Variants in NRCAM observed in about 807,000 individuals in gnomAD.
NRCAM encodes NgCAM-related cell adhesion molecule.
A neutral mutation model predicts 156.5 loss-of-function variants in NRCAM; 83 were observed. The observed-to-expected ratio is 0.53, with a 90% CI of 0.44 to 0.64. NRCAM has a LOEUF of 0.64. NRCAM is among the 30% of genes least tolerant of loss of function. NRCAM has a pLI of 0.00. For synonymous variants in NRCAM, 538 were observed against 563.9 expected (o/e 0.95, Z 0.65); for missense variants, 1,417 against 1,597.3 (o/e 0.89, Z 1.92).
At chr7:108,409,544 C>T (rs995757020) in intron 1 of NRCAM, among the ~76,000 whole-genome samples, 2 of 152,172 alleles carry the variant, frequency 1.3e-5, no homozygotes, top group Non-Finnish European at 2.9e-5. Context: ...CCATCTCGCG[C>T]ATCACCCCAG....
chr7:108,340,754 T>C (rs1250890719), intron 2 of NRCAM, among the ~76,000 whole-genome samples: 1 of 152,180 alleles, frequency 6.6e-6, no homozygotes, highest in Non-Finnish European at 1.5e-5. Flanking sequence ...ACCGCCTTTC[T>C]GGAGAGACTA....
At chr7:108,234,368 A>G (rs1218668639) in intron 6 of NRCAM, among the ~76,000 whole-genome samples, 1 of 152,122 alleles carries the variant, frequency 6.6e-6, no homozygotes, top group Non-Finnish European at 1.5e-5. Context: ...GCAGGACCCA[A>G]GAAGTTACCT....
chr7:108,249,239 A>T (rs17155335), intron 3 of NRCAM, among the ~76,000 whole-genome samples: 55,416 of 152,024 alleles, frequency 0.36, 11,301 homozygotes, highest in African/African-American at 0.55. Flanking sequence ...AACGGAACCA[A>T]GAAAATGAGA....
intron 2 of NRCAM, among the ~76,000 whole-genome samples, chr7:108,344,707 C>T (rs1397515225): frequency 6.6e-6 from 1 of 152,110 alleles, no homozygotes; most frequent in African/African-American, 2.4e-5. Context: ...ATGACTATTA[C>T]ATGAAATGTA....
In NRCAM at chr7:108,177,484, A is replaced by G. The variant is rs561163996; in HGVS notation, c.2974+506T>C. ...TAAAAATACAAAAAATTTGCCGGGC[A>G]TGGTGGTGGGCGTCTGTAGTCCCAG... On this transcript the variant is annotated intron_variant, in intron 26 of 32. Coordinates refer to ENST00000379028, the MANE Select transcript of NRCAM (RefSeq NM_001037132.4). Among the ~76,000 whole-genome samples, 216 of 152,088 alleles carry G rather than the reference A, an allele frequency of 1.4e-3. 1 individual carries two copies. The highest frequency in any genetic ancestry group is 3.9e-3 in the East Asian group (20 of 5,168).
chr7:108,160,926 G>A (rs1052219403), intron 30 of NRCAM, among the ~76,000 whole-genome samples: 3 of 152,150 alleles, frequency 2.0e-5, no homozygotes, highest in African/African-American at 7.2e-5. Flanking sequence ...CAAAGGAACT[G>A]CTTTTAGAGG....
At chr7:108,268,522 T>A (rs1245040490) in intron 3 of NRCAM, among the ~76,000 whole-genome samples, 1 of 151,080 alleles carries the variant, frequency 6.6e-6, no homozygotes, top group Non-Finnish European at 1.5e-5. Context: ...AAGTATTCCA[T>A]GCTTCTGAAA....
intron 17 of NRCAM, 88 bp downstream of exon 17, chr7:108,193,936 C>A (rs890043930): frequency 7.5e-7 from 1 of 1,325,390 alleles, no homozygotes; most frequent in Admixed American, 2.2e-5. Context: ...CTAAAAACAT[C>A]ACCATAATTG....
Position 108,429,428 on chromosome 7 carries a change from G to C in NRCAM, c.-332+26815C>G, listed in dbSNP as rs572151367. ...GCTGGTTTCAAACTCCTGACCTCAG[G>C]TAATCCACCCATCTTTGCCTCCCAA... is the stretch of plus-strand genomic sequence containing the variant. On this transcript the variant is annotated intron_variant, in intron 1 of 32. Coordinates refer to ENST00000379028, the MANE Select transcript of NRCAM (RefSeq NM_001037132.4). Among the ~76,000 whole-genome samples, 15 of 152,278 alleles carry C rather than the reference G, an allele frequency of 9.9e-5. No homozygotes were observed. In the East Asian group the frequency reaches 2.7e-3, roughly 27 times the overall value.
rs186804599 is a variant in NRCAM, at chr7:108,429,539, G to A, written c.-332+26704C>T. On this transcript the variant is annotated intron_variant, in intron 1 of 32. Coordinates refer to ENST00000379028, the MANE Select transcript of NRCAM (RefSeq NM_001037132.4). ...ACACTCCCCACACAAAACAAAGACT[G>A]GAATTCATTTTTACTTTGCCAATTG... 1.5e-3 allele frequency among the ~76,000 whole-genome samples: 228 copies of A among 152,240 alleles called. 1 individual carries two copies. The highest frequency in any genetic ancestry group is 5.3e-3 in the African/African-American group (219 of 41,538).
chr7:108,206,583 C>T (rs1167572274), intron 13 of NRCAM, among the ~76,000 whole-genome samples: 3 of 152,212 alleles, frequency 2.0e-5, no homozygotes, highest in Admixed American at 6.5e-5. Flanking sequence ...ATGCTCCTCT[C>T]GGCAGTAGCT....
chr7:108,251,094 G>A (rs1177448199), intron 3 of NRCAM, among the ~76,000 whole-genome samples: 1 of 152,094 alleles, frequency 6.6e-6, no homozygotes, highest in Non-Finnish European at 1.5e-5. Flanking sequence ...CTGCCTCTCT[G>A]TGTCTTTTCA....
Position 108,209,142 on chromosome 7 carries a change from G to A in NRCAM, c.1075+279C>T, listed in dbSNP as rs186816299. Among the ~76,000 whole-genome samples the A allele has an allele frequency of 2.5e-3, 375 of 152,142 alleles. 3 individuals are homozygous for A. The highest frequency in any genetic ancestry group is 8.5e-3 in the African/African-American group (352 of 41,516). The stretch of plus-strand genomic sequence containing the variant: ...TTAGCATTCATTGTTTGATCTTGCC[G>A]GCTCTAGTTATTACTGTGGGATTCT... On this transcript the variant is annotated intron_variant, in intron 12 of 32. Transcript: ENST00000379028.
At chr7:108,337,500 G>A (rs2099211173) in intron 2 of NRCAM, among the ~76,000 whole-genome samples, 1 of 152,146 alleles carries the variant, frequency 6.6e-6, no homozygotes, top group African/African-American at 2.4e-5. Flanking sequence ...GATCCAGCGA[G>A]GGGCCCATTG....
intron 3 of NRCAM, among the ~76,000 whole-genome samples, chr7:108,281,336 A>C (rs2097851669): frequency 2.0e-5 from 3 of 152,172 alleles, no homozygotes; most frequent in Admixed American, 1.3e-4. Context: ...CACTGTGGGC[A>C]ATAAAAAAAC....
At chr7:108,337,482 G>C (rs766111777) in intron 2 of NRCAM, among the ~76,000 whole-genome samples, 1 of 152,150 alleles carries the variant, frequency 6.6e-6, no homozygotes, top group Non-Finnish European at 1.5e-5. Context: ...GGTGTCTGCT[G>C]TGCTCCTGAT....
chr7:108,355,279 T>C (rs530579458), intron 2 of NRCAM, among the ~76,000 whole-genome samples: 2 of 152,282 alleles, frequency 1.3e-5, no homozygotes, highest in Admixed American at 1.3e-4. Flanking sequence ...AGATGTGAAA[T>C]TGAGAATACT....
intron 3 of NRCAM, among the ~76,000 whole-genome samples, chr7:108,276,644 G>A (rs2097637356): frequency 6.6e-6 from 1 of 151,792 alleles, no homozygotes; most frequent in South Asian, 2.1e-4. Flanking sequence ...CACATGAGGT[G>A]GGTCTCCTGA....
At chr7:108,379,279 G>A (rs1286223811) in intron 2 of NRCAM, among the ~76,000 whole-genome samples, 1 of 152,094 alleles carries the variant, frequency 6.6e-6, no homozygotes, top group Non-Finnish European at 1.5e-5. Flanking sequence ...AAATGATAAA[G>A]GAACGTATAA....
Sources: allele counts gnomAD v4.1 joint callset (sites outside exome capture counted in the v4.1 genomes callset), GRCh38; gene constraint gnomAD v4.1.1; transcripts MANE v1.5; gene names NCBI Gene and HGNC (gene_info 2026-07-23, HGNC 2026-07-21).